The following MRTFA variants were observed in gnomAD, a reference collection of about 807,000 sequenced individuals.
MRTFA encodes myocardin-related transcription factor A.
A neutral mutation model predicts 83.5 loss-of-function variants in MRTFA; 20 were observed. That is an observed-to-expected ratio of 0.24 (90% CI 0.17 to 0.35). MRTFA has a LOEUF of 0.35. MRTFA is among the 10% of genes least tolerant of loss of function. The probability of loss-of-function intolerance (pLI) is 1.00; values close to 1 mark genes in which losing one functional copy is unlikely to be tolerated. For missense variants in MRTFA, 1,200 were observed against 1,224.7 expected, an observed-to-expected ratio of 0.98 and a Z score of 0.30; for synonymous variants, 659 against 541.2, an observed-to-expected ratio of 1.22 and a Z score of -3.02.
At position 40,514,102 on chromosome 22, in the gene MRTFA, C is replaced by A. The variant is rs139858516; in HGVS notation, c.241+38004G>T. Among the ~76,000 whole-genome samples the A allele has an allele frequency of 3.3e-3, 496 of 151,794 alleles. 24 individuals carry two copies. The East Asian group carries it at 0.088, about 27-fold the overall frequency. On this transcript the variant is annotated intron_variant, in intron 3 of 14. Transcript: ENST00000355630. ...AAAACCCAATCTCTACTAAAAAATA[C>A]AAAAAAATTAGCCAGACATGGTGGC...
intron 1 of MRTFA, among the ~76,000 whole-genome samples, chr22:40,621,396 A>G (rs188330675): frequency 6.6e-6 from 1 of 152,296 alleles, no homozygotes; most frequent in African/African-American, 2.4e-5. Flanking sequence ...TTCCACTTGT[A>G]TGAAGTACTT....
intron 1 of MRTFA, among the ~76,000 whole-genome samples, chr22:40,618,132 T>C (rs1366416390): frequency 6.6e-6 from 1 of 151,366 alleles, no homozygotes; most frequent in African/African-American, 2.4e-5. Context: ...TGGAGCACAC[T>C]GGCACAATCT....
At chr22:40,548,326 T>C (rs2078789096) in intron 3 of MRTFA, among the ~76,000 whole-genome samples, 1 of 115,390 alleles carries the variant, frequency 8.7e-6, no homozygotes, top group Admixed American at 1.3e-4. Context: ...GCCACAGAAC[T>C]CCAGCCTGGG....
At position 40,418,931 on chromosome 22, in the gene MRTFA, G is replaced by GA; in HGVS notation, c.1806_1807insT (p.Pro603SerfsTer129). 6.2e-7 allele frequency: 1 copy of GA among 1,612,796 alleles called. No homozygotes were observed. The stretch of plus-strand genomic sequence containing the variant: ...CTCAGGCAACAGGACCCGGCCCGGG[G>GA]GCCCTCCTCCTTCACGAGGATCTGC... On this transcript the variant is annotated frameshift_variant, in exon 12 of 15. Transcript: ENST00000355630. LOFTEE classifies it high-confidence loss of function.
At chr22:40,433,008 G>A (rs1247289431) in intron 5 of MRTFA, 2 of 152,232 alleles carry the variant, frequency 1.3e-5, no homozygotes, top group African/African-American at 4.8e-5. Flanking sequence ...CTTCTGGTTT[G>A]TTAAAGGCAT....
intron 3 of MRTFA, among the ~76,000 whole-genome samples, chr22:40,502,886 G>A (rs1602348880): frequency 6.6e-6 from 1 of 152,166 alleles, no homozygotes; most frequent in Non-Finnish European, 1.5e-5. Flanking sequence ...ATAGTCCTCT[G>A]TAGATTAACT....
intron 13 of MRTFA, 98 bp downstream of exon 13, chr22:40,417,243 C>A: frequency 6.6e-7 from 1 of 1,507,260 alleles, no homozygotes; most frequent in Non-Finnish European, 9.0e-7. Context: ...AGCTGGGCTT[C>A]GCCTGCCCCC....
At chr22:40,509,976 G>A (rs549093144) in intron 3 of MRTFA, among the ~76,000 whole-genome samples, 7 of 36,384 alleles carry the variant, frequency 1.9e-4, no homozygotes, top group Admixed American at 7.9e-4. Context: ...CAGCAGCCAA[G>A]TACTTTAAAA....
chr22:40,459,603 G>A (rs1245290507), intron 4 of MRTFA, among the ~76,000 whole-genome samples: 3 of 151,348 alleles, frequency 2.0e-5, no homozygotes, highest in Non-Finnish European at 4.4e-5. Context: ...TGACAGAATG[G>A]GAGTGTTGTT....
At chr22:40,623,419 C>T (rs892241546) in intron 1 of MRTFA, among the ~76,000 whole-genome samples, 13 of 151,974 alleles carry the variant, frequency 8.6e-5, no homozygotes, top group Non-Finnish European at 1.6e-4. Flanking sequence ...GCACTGCACC[C>T]ACTAACTCGT....
chr22:40,586,906 CTGCTGGT>C, intron 2 of MRTFA: 1 of 327,672 alleles, frequency 3.1e-6, no homozygotes, highest in African/African-American at 2.4e-5. Flanking sequence ...GCTGCTGGTG[CTGCTGGT>C]GCTGGTGCTG....
At chr22:40,527,573 C>T (rs1053730097) in intron 3 of MRTFA, among the ~76,000 whole-genome samples, 1 of 151,766 alleles carries the variant, frequency 6.6e-6, no homozygotes, top group Non-Finnish European at 1.5e-5. Context: ...CTGGCTAACA[C>T]AGTGAAACCC....
At chr22:40,635,710 T>C (rs1569362876) in intron 1 of MRTFA, among the ~76,000 whole-genome samples, 1 of 152,208 alleles carries the variant, frequency 6.6e-6, no homozygotes, top group Non-Finnish European at 1.5e-5. Flanking sequence ...GCCCTTACTA[T>C]GGGCCAAGCA....
At chr22:40,502,174 C>T (rs2054498952) in intron 3 of MRTFA, among the ~76,000 whole-genome samples, 6 of 145,764 alleles carry the variant, frequency 4.1e-5, no homozygotes, top group South Asian at 2.2e-4. Flanking sequence ...CCCCCCACCT[C>T]CCTCCCGGAC....
intron 13 of MRTFA, 116 bp downstream of exon 13, chr22:40,417,225 G>C: frequency 6.8e-7 from 1 of 1,461,176 alleles, no homozygotes; most frequent in East Asian, 2.5e-5. Flanking sequence ...AGGCCTCTCT[G>C]ACCCTGAAGC....
chr22:40,472,002 A>G (rs1439661239), intron 3 of MRTFA, among the ~76,000 whole-genome samples: 2 of 152,240 alleles, frequency 1.3e-5, no homozygotes, highest in Non-Finnish European at 2.9e-5. Context: ...AGAGAAAGAC[A>G]TCAAAACAAA....
chr22:40,593,315 C>T (rs1348927224), intron 2 of MRTFA, among the ~76,000 whole-genome samples: 1 of 152,092 alleles, frequency 6.6e-6, no homozygotes, highest in African/African-American at 2.4e-5. Context: ...TATTATTCAC[C>T]TAGACTTGAA....
chr22:40,479,377 C>G (rs1373557445), intron 3 of MRTFA, among the ~76,000 whole-genome samples: 1 of 152,066 alleles, frequency 6.6e-6, no homozygotes. Flanking sequence ...CAGACACCAC[C>G]TCCTCACACC....
chr22:40,625,793 T>C (rs1367899050), intron 1 of MRTFA, among the ~76,000 whole-genome samples: 1 of 151,750 alleles, frequency 6.6e-6, no homozygotes, highest in Non-Finnish European at 1.5e-5. Context: ...TAAATGAAAA[T>C]AAATAAATAA....
Sources: allele counts gnomAD v4.1 joint callset (sites outside exome capture counted in the v4.1 genomes callset), GRCh38; gene constraint gnomAD v4.1.1; transcripts MANE v1.5; gene names NCBI Gene and HGNC (gene_info 2026-07-23, HGNC 2026-07-21).